Variants in MED13L observed in about 807,000 individuals in gnomAD.
MED13L encodes the protein mediator complex subunit 13L.
A neutral mutation model predicts 220.9 loss-of-function variants in MED13L; 7 were observed. That is an observed-to-expected ratio of 0.03 (90% CI 0.02 to 0.06). MED13L has a LOEUF of 0.06. Ranked by LOEUF, MED13L falls within the 10% of genes least tolerant of loss-of-function variation. The pLI, the probability that MED13L is intolerant of heterozygous loss-of-function variation, is 1.00. For synonymous variants in MED13L, 1,011 were observed against 1,015.2 expected (o/e 1.00, Z 0.08); for missense variants, 1,965 against 2,760.5 (o/e 0.71, Z 6.46).
intron 2 of MED13L, among the ~76,000 whole-genome samples, chr12:116,127,736 T>C (rs1014172237): frequency 2.0e-5 from 3 of 152,246 alleles, no homozygotes; most frequent in African/African-American, 4.8e-5. Flanking sequence ...CTCCCTGCTT[T>C]CACTCAAAGC....
chr12:116,085,196 T>G (rs920902641), intron 4 of MED13L, among the ~76,000 whole-genome samples: 1 of 152,190 alleles, frequency 6.6e-6, no homozygotes, highest in African/African-American at 2.4e-5. Flanking sequence ...AGAATTGCAA[T>G]TCACAATCCA....
chr12:115,984,223 A>G lies in MED13L; in HGVS notation c.4488T>C (p.His1496=). 1 of 1,613,980 alleles carries G rather than the reference A, an allele frequency of 6.2e-7. No individual in the cohort carries two copies. The highest frequency in any genetic ancestry group is 8.5e-7 in the Non-Finnish European group (1 of 1,179,972). Residue 1496 remains histidine (H), a synonymous_variant, in exon 20 of 31, where the codon CAT becomes CAC. Transcript: ENST00000281928. The part of the protein sequence containing the change: ...QPWSGEENDN[H]SRLKLYAQVC... ...CTTGCGCATAAAGTTTGAGTCTGGA[A>G]TGATTGTCATTCTCCTCGCCGCTCC...
intron 1 of MED13L, among the ~76,000 whole-genome samples, chr12:116,243,115 C>A (rs1490692085): frequency 6.6e-6 from 1 of 152,138 alleles, no homozygotes; most frequent in South Asian, 2.1e-4. Context: ...CATGTTATCA[C>A]TATAAGATGG....
chr12:116,142,345 T>C (rs1877148292), intron 2 of MED13L, among the ~76,000 whole-genome samples: 3 of 152,164 alleles, frequency 2.0e-5, no homozygotes, highest in Non-Finnish European at 4.4e-5. Flanking sequence ...ATTTCTCTTA[T>C]CAAGTAAGCA....
intron 4 of MED13L, among the ~76,000 whole-genome samples, chr12:116,095,538 A>C (rs1042065295): frequency 6.6e-6 from 1 of 152,190 alleles, no homozygotes; most frequent in South Asian, 2.1e-4. Context: ...AGAAACTAGG[A>C]AAGTTAAGCA....
intron 17 of MED13L, among the ~76,000 whole-genome samples, chr12:115,988,797 C>T (rs958797008): frequency 4.6e-5 from 7 of 152,256 alleles, no homozygotes; most frequent in African/African-American, 1.2e-4. Context: ...TCCTGAAAGA[C>T]GACACCACTG....
intron 4 of MED13L, among the ~76,000 whole-genome samples, chr12:116,051,886 G>A (rs910967562): frequency 1.3e-5 from 2 of 152,136 alleles, no homozygotes; most frequent in African/African-American, 2.4e-5. Flanking sequence ...GAGGAGCCAA[G>A]CTGACTGATA....
intron 4 of MED13L, among the ~76,000 whole-genome samples, chr12:116,092,907 C>T (rs1399366409): frequency 6.6e-6 from 1 of 152,056 alleles, no homozygotes; most frequent in African/African-American, 2.4e-5. Context: ...CAAATTAACC[C>T]AGAAAATGAA....
intron 1 of MED13L, among the ~76,000 whole-genome samples, chr12:116,274,844 G>A (rs1298260839): frequency 6.6e-6 from 1 of 151,772 alleles, no homozygotes; most frequent in Non-Finnish European, 1.5e-5. Flanking sequence ...CAATCCCTTG[G>A]TTTAAAGAGG....
chr12:116,256,527 G>A (rs1386582362), intron 1 of MED13L, among the ~76,000 whole-genome samples: 1 of 151,930 alleles, frequency 6.6e-6, no homozygotes, highest in East Asian at 1.9e-4. Context: ...GATTTCAGTG[G>A]TTTCACAGAT....
intron 2 of MED13L, among the ~76,000 whole-genome samples, chr12:116,185,349 CT>C (rs935155943): frequency 2.7e-3 from 368 of 137,248 alleles, no homozygotes; most frequent in Middle Eastern, 8.1e-3. Context: ...CAAGTTCATT[CT>C]TTTTTTTTTT....
intron 2 of MED13L, among the ~76,000 whole-genome samples, chr12:116,116,003 C>T (rs1874484893): frequency 6.6e-6 from 1 of 152,138 alleles, no homozygotes; most frequent in Non-Finnish European, 1.5e-5. Context: ...ACCCAATATC[C>T]CGTTGTAATA....
Position 116,088,975 on chromosome 12 carries a change from A to AT in MED13L, c.479+7693dup, listed in dbSNP as rs967025138. 1.2e-4 allele frequency among the ~76,000 whole-genome samples: 18 copies of AT among 152,140 alleles called. 1 individual carries two copies. Among genetic ancestry groups the AT allele is most frequent in the Non-Finnish European group, 2.5e-4 (17 of 67,974 alleles). ...ACACAACCAATGGAGAAAAATCCAG[A>AT]TTTTTTTTAGTAGCAAAAATCTGTA... On this transcript the variant is annotated intron_variant, in intron 4 of 30. Coordinates refer to ENST00000281928, the MANE Select transcript of MED13L (RefSeq NM_015335.5).
chr12:116,144,702 C>A (rs1877339335), intron 2 of MED13L, among the ~76,000 whole-genome samples: 1 of 152,130 alleles, frequency 6.6e-6, no homozygotes, highest in African/African-American at 2.4e-5. Context: ...GTGTCTCTGG[C>A]AGAGAATATG....
chr12:116,060,616 A>C (rs1869386121), intron 4 of MED13L, among the ~76,000 whole-genome samples: 1 of 151,746 alleles, frequency 6.6e-6, no homozygotes, highest in African/African-American at 2.4e-5. Context: ...GCAAAAGACA[A>C]TATAAAGACA....
chr12:116,050,024 A>G (rs980424500), intron 4 of MED13L, among the ~76,000 whole-genome samples: 3 of 152,210 alleles, frequency 2.0e-5, no homozygotes, highest in African/African-American at 4.8e-5. Context: ...TCTTGGAAGG[A>G]TCAAATATTG....
intron 2 of MED13L, among the ~76,000 whole-genome samples, chr12:116,114,124 G>A (rs908292623): frequency 6.6e-6 from 1 of 151,960 alleles, no homozygotes; most frequent in Non-Finnish European, 1.5e-5. Context: ...TAAACATGCA[G>A]TTGACTTGGT....
At chr12:116,269,909 C>T (rs1028747513) in intron 1 of MED13L, among the ~76,000 whole-genome samples, 1 of 151,514 alleles carries the variant, frequency 6.6e-6, no homozygotes, top group East Asian at 1.9e-4. Context: ...AACTGACTCT[C>T]CTGTCATCTA....
At position 116,008,705 on chromosome 12, in the gene MED13L, T is replaced by G; in HGVS notation, c.1708A>C (p.Ser570Arg). Residue 570 changes from serine to arginine, a missense_variant, in exon 10 of 31, where the codon AGT becomes CGT. By Grantham distance (110) the Ser-to-Arg change is moderately radical. This residue lies in a region of MED13L where 818 missense variants were observed against 1,041.2 expected (regional missense o/e 0.79). Coordinates refer to ENST00000281928, the MANE Select transcript of MED13L (RefSeq NM_015335.5). ...SPQPRGQETE[S>R]LDPPSVPVNP... ...ACAGGGACCGATGGTGGGTCCAAAC[T>G]CTCTGTTTCCTGACCTCGTGGCTGA... 1 of 1,613,954 alleles carries G rather than the reference T, an allele frequency of 6.2e-7. No individual in the cohort carries two copies.
Sources: gnomAD v4.1 joint callset for allele counts (sites outside exome capture counted in the v4.1 genomes callset) on GRCh38, gnomAD v4.1.1 for gene constraint, gnomAD v4.1.1 regional missense constraint, MANE v1.5 for transcripts, NCBI Gene and HGNC (gene_info 2026-07-23, HGNC 2026-07-21) for gene names.